The following COL24A1 variants were observed in gnomAD, a reference collection of about 807,000 sequenced individuals.
The protein encoded by COL24A1 is collagen alpha-1(XXIV) chain.
COL24A1 carries 224 observed loss-of-function variants against 253.9 expected under a neutral mutation model. The ratio of observed to expected loss-of-function variants is 0.88; its 90% confidence interval spans 0.79 to 0.99. The LOEUF (loss-of-function observed/expected upper bound fraction) is 0.99. COL24A1 is among the 50% of genes least tolerant of loss of function. The pLI is 0.00. For synonymous variants in COL24A1, 685 were observed against 673.7 expected, an observed-to-expected ratio of 1.02 and a Z score of -0.26; for missense variants, 2,131 against 2,068.5, an observed-to-expected ratio of 1.03 and a Z score of -0.59.
intron 47 of COL24A1, among the ~76,000 whole-genome samples, chr1:85,797,984 G>C (rs1045613300): frequency 6.6e-6 from 1 of 152,104 alleles, no homozygotes. Flanking sequence ...CTTGAGCTCA[G>C]GAGTTCAAGG....
chr1:85,867,509 C>G (rs909013919), intron 37 of COL24A1, among the ~76,000 whole-genome samples: 5 of 152,114 alleles, frequency 3.3e-5, no homozygotes, highest in African/African-American at 1.2e-4. Flanking sequence ...AAAGAGAAAC[C>G]ATTTTCTGGT....
chr1:86,022,881 C>CA lies in COL24A1; in HGVS notation c.2104-5dup. The CA allele has an allele frequency of 2.5e-6, 4 of 1,606,702 alleles. No individual in the cohort carries two copies. Among genetic ancestry groups the CA allele is most frequent in the Non-Finnish European group, 2.6e-6 (3 of 1,176,156 alleles). The stretch of plus-strand genomic sequence containing the variant: ...GTCCTTTATTCCCTGAAAGGCCCTA[C>CA]AAAAAAAGGTGACATTTTGTGATAT... On this transcript the variant is annotated splice_polypyrimidine_tract_variant and splice_region_variant and intron_variant, in intron 15 of 59. Coordinates refer to ENST00000370571, the MANE Select transcript of COL24A1 (RefSeq NM_152890.7).
intron 55 of COL24A1, among the ~76,000 whole-genome samples, chr1:85,746,361 T>A (rs1665216497): frequency 2.0e-5 from 3 of 152,218 alleles, no homozygotes; most frequent in Admixed American, 2.0e-4. Flanking sequence ...CTCCCTTGCT[T>A]CAGCATGTGT....
chr1:85,863,737 C>A (rs989378292), intron 37 of COL24A1, among the ~76,000 whole-genome samples: 1 of 152,062 alleles, frequency 6.6e-6, no homozygotes, highest in Non-Finnish European at 1.5e-5. Flanking sequence ...AACAAGTGGG[C>A]AAAGTGAACA....
chr1:85,770,487 C>T (rs1212829028), intron 53 of COL24A1, among the ~76,000 whole-genome samples: 2 of 151,394 alleles, frequency 1.3e-5, no homozygotes, highest in African/African-American at 4.9e-5. Context: ...GGATCACATG[C>T]TAAGTGAGTA....
At chr1:86,063,857 G>T in intron 7 of COL24A1, 98 bp from the exon 8 acceptor site, 1 of 623,394 alleles carries the variant, frequency 1.6e-6, no homozygotes, top group Non-Finnish European at 2.6e-6. Flanking sequence ...CCAACTTTTG[G>T]TTGCCTCATC....
chr1:85,868,878 A>G lies in COL24A1; in HGVS notation c.3139-43T>C, dbSNP rs372936766. On this transcript the variant is annotated intron_variant, in intron 35 of 59. Transcript: ENST00000370571. ...GAGTATGATTGAGTTTTTTTTTGCT[A>G]TATCATTTATCTTATTTTATTTTTA... The G allele has an allele frequency of 3.7e-5, 51 of 1,365,422 alleles. No homozygotes were observed. The African/African-American group carries it at 6.3e-4, about 17-fold the overall frequency. The allele number at this position is 1,365,422 out of a possible 1,614,324, so 84.6% of individuals were successfully genotyped here.
In COL24A1 at chr1:86,125,195, C is replaced by A; in HGVS notation, c.1141G>T (p.Asp381Tyr). ...AGTGACAGACCAGTTACTCTATCAT[C>A]ATGTTGTGTGATATTGTCAGACATG... ...LNMSDNITQHDDRVTGLSLFK... is the reference protein window; with the variant it reads ...LNMSDNITQHYDRVTGLSLFK... Residue 381 changes from aspartate to tyrosine, a missense_variant, in exon 3 of 60, where the codon GAT (aspartate) becomes TAT (tyrosine). Asp to Tyr is a radical substitution (Grantham distance 160). Transcript: ENST00000370571. 1 of 1,613,460 alleles carries A rather than the reference C, an allele frequency of 6.2e-7. No individual in the cohort carries two copies. Among genetic ancestry groups the A allele is most frequent in the Non-Finnish European group, 8.5e-7 (1 of 1,179,682 alleles).
chr1:86,043,208 T>C (rs1699636031), intron 12 of COL24A1, among the ~76,000 whole-genome samples: 3 of 152,168 alleles, frequency 2.0e-5, no homozygotes, highest in African/African-American at 7.2e-5. Context: ...TTGTAACTAT[T>C]TAAAACTGAA....
In COL24A1 at chr1:85,737,505, C is replaced by A; in HGVS notation, c.4673G>T (p.Gly1558Val). The A allele has an allele frequency of 6.3e-7, 1 of 1,590,166 alleles. No individual in the cohort carries two copies. The highest frequency in any genetic ancestry group is 1.7e-5 in the Admixed American group (1 of 58,658). Reference protein sequence around the residue: ...LLNCEQKVSDGKYWIDPNLGC... With the variant: ...LLNCEQKVSDVKYWIDPNLGC... ...AAGATTTGGGTCAATCCAGTATTTT[C>A]CTAATAATTTATAGTAAAACATAAA... Residue 1558 changes from glycine to valine, a missense_variant and splice_region_variant, in exon 58 of 60, where the codon GGA (glycine) becomes GTA (valine). Physicochemically the swap from Gly to Val is moderately radical, Grantham distance 109. Transcript: ENST00000370571.
chr1:85,841,086 A>T, intron 42 of COL24A1, 136 bp downstream of exon 42: 1 of 628,464 alleles, frequency 1.6e-6, no homozygotes, highest in Non-Finnish European at 2.7e-6. Context: ...GTGACCATAA[A>T]TATCACCCTC....
intron 24 of COL24A1, among the ~76,000 whole-genome samples, chr1:85,926,504 C>A (rs1017594799): frequency 6.6e-6 from 1 of 152,158 alleles, no homozygotes; most frequent in Admixed American, 6.5e-5. Flanking sequence ...AGGGTGAGTT[C>A]ATGTCCTTTG....
intron 24 of COL24A1, among the ~76,000 whole-genome samples, chr1:85,953,128 T>C (rs1256602339): frequency 6.6e-6 from 1 of 152,162 alleles, no homozygotes; most frequent in African/African-American, 2.4e-5. Flanking sequence ...CCCTTTGCTA[T>C]TTTTACTGAT....
chr1:85,954,270 G>A (rs976592241), intron 24 of COL24A1, among the ~76,000 whole-genome samples: 3 of 152,272 alleles, frequency 2.0e-5, no homozygotes, highest in East Asian at 1.9e-4. Flanking sequence ...TTACATGTCC[G>A]TGGTTTTTCA....
At chr1:85,998,568 G>A (rs1695086560) in intron 19 of COL24A1, among the ~76,000 whole-genome samples, 1 of 152,144 alleles carries the variant, frequency 6.6e-6, no homozygotes, top group Non-Finnish European at 1.5e-5. Flanking sequence ...ATGTCACTGG[G>A]AGATAATTCT....
At chr1:85,858,768 T>C (rs1678801213) in intron 37 of COL24A1, among the ~76,000 whole-genome samples, 1 of 151,500 alleles carries the variant, frequency 6.6e-6, no homozygotes, top group African/African-American at 2.4e-5. Context: ...TTTCGGACGG[T>C]CTTGCTTTGT....
intron 32 of COL24A1, among the ~76,000 whole-genome samples, chr1:85,884,118 T>C (rs1682195896): frequency 6.6e-6 from 1 of 152,222 alleles, no homozygotes; most frequent in African/African-American, 2.4e-5. Context: ...TAAATTTTTG[T>C]TTGAGAAAGA....
chr1:86,072,314 CT>C (rs1285176632), intron 7 of COL24A1, among the ~76,000 whole-genome samples: 4 of 152,176 alleles, frequency 2.6e-5, no homozygotes, highest in Admixed American at 2.6e-4. Flanking sequence ...GATGCTTGAG[CT>C]TGGTGGGGAG....
chr1:86,043,580 T>C (rs1357176778), intron 12 of COL24A1, among the ~76,000 whole-genome samples: 1 of 152,010 alleles, frequency 6.6e-6, no homozygotes, highest in African/African-American at 2.4e-5. Context: ...CAGGCTGGAG[T>C]GCAGTGGCAC....
Sources: gnomAD v4.1 joint callset for allele counts (sites outside exome capture counted in the v4.1 genomes callset) on GRCh38, gnomAD v4.1.1 for gene constraint, MANE v1.5 for transcripts, NCBI Gene and HGNC (gene_info 2026-07-23, HGNC 2026-07-21) for gene names.